Variants in FANCD2 observed in about 807,000 individuals in gnomAD.
The protein encoded by FANCD2 is FA complementation group D2, also known as Fanconi anemia group D2 protein.
Under a neutral mutation model 192.3 loss-of-function variants are expected in FANCD2, and 131 were observed. The ratio of observed to expected loss-of-function variants is 0.68; its 90% confidence interval spans 0.59 to 0.79. The LOEUF (loss-of-function observed/expected upper bound fraction) is 0.79. Ranked by LOEUF, FANCD2 falls within the 30% of genes least tolerant of loss-of-function variation. The pLI is 0.00. For synonymous variants in FANCD2, 524 were observed against 612.5 expected, an observed-to-expected ratio of 0.86 and a Z score of 2.13; for missense variants, 1,508 against 1,701.6, an observed-to-expected ratio of 0.89 and a Z score of 2.00.
chr3:10,068,670 A>C lies in FANCD2; in HGVS notation c.2494+1353A>C, dbSNP rs1324401606. Among the ~76,000 whole-genome samples the C allele has an allele frequency of 3.9e-5, 6 of 152,178 alleles. No homozygotes were observed. In the East Asian group the frequency reaches 9.6e-4, roughly 24 times the overall value. On this transcript the variant is annotated intron_variant, in intron 26 of 43. Transcript: ENST00000675286. Reference sequence around the variant, plus strand: ...GCCTAAAATTTATATAGAACCACCGAAGACCCAGAATAGCCAAAGCTGTCC... The same window carrying C: ...GCCTAAAATTTATATAGAACCACCGCAGACCCAGAATAGCCAAAGCTGTCC...
At chr3:10,056,593 G>T (rs116398158) in intron 18 of FANCD2, among the ~76,000 whole-genome samples, 9 of 151,922 alleles carry the variant, frequency 5.9e-5, no homozygotes, top group African/African-American at 2.2e-4. Flanking sequence ...GTGCAGTGGC[G>T]TGATCATACT....
At chr3:10,034,347 A>AAAAAT in intron 3 of FANCD2, 122 bp from the exon 4 acceptor site, 1 of 639,560 alleles carries the variant, frequency 1.6e-6, no homozygotes, top group Non-Finnish European at 2.8e-6. Context: ...AAAAAAAAAG[A>AAAAAT]TTTGTCTCTG....
At chr3:10,090,250 G>A in intron 36 of FANCD2, 42 bp from the exon 37 acceptor site, 1 of 1,426,312 alleles carries the variant, frequency 7.0e-7, no homozygotes. Flanking sequence ...GTTCTAAGCA[G>A]TGCATCATGG....
At chr3:10,073,464 A>C in intron 28 of FANCD2, 102 bp downstream of exon 28, 1 of 971,474 alleles carries the variant, frequency 1.0e-6, no homozygotes. Flanking sequence ...AAAAATTAGG[A>C]AACAGCGAGC....
rs35104427 is a variant in FANCD2 at position 10,087,901 on chromosome 3, C to T, written c.3467-548C>T. On this transcript the variant is annotated intron_variant, in intron 34 of 43. Transcript: ENST00000675286. ...TGACCTCGTGATCCACCTGCCTCAG[C>T]CTCCCAAAGTGCTGGGATTACAGAC... is the stretch of plus-strand genomic sequence containing the variant. Among the ~76,000 whole-genome samples the T allele has an allele frequency of 3.2e-3, 492 of 152,238 alleles. 10 individuals carry two copies. In the South Asian group the frequency reaches 0.04, roughly 12 times the overall value.
intron 29 of FANCD2, among the ~76,000 whole-genome samples, chr3:10,075,786 G>A (rs9820100): frequency 0.23 from 32,527 of 141,988 alleles, 4,737 homozygotes; most frequent in African/African-American, 0.42. Flanking sequence ...GCTGGAGTGC[G>A]GTGGTGGGAT....
In FANCD2 at chr3:10,071,940, G is replaced by C. The variant is rs1191893351; in HGVS notation, c.2495-931G>C. Among the ~76,000 whole-genome samples the C allele has an allele frequency of 4.9e-5, 7 of 143,342 alleles. No individual in the cohort carries two copies. In the East Asian group the frequency reaches 1.4e-3, roughly 28 times the overall value. The allele number at this position is 143,342 out of a possible 152,430, so 94.0% of individuals were successfully genotyped here. ...ACACCCAGCTAATTTTTGTACTTTT[G>C]GTGCAGATGGGGTTTCACCGTGTTG... On this transcript the variant is annotated intron_variant, in intron 26 of 43. Coordinates refer to ENST00000675286, the MANE Select transcript of FANCD2 (RefSeq NM_001018115.3).
At chr3:10,062,575 G>T (rs2087601731) in intron 20 of FANCD2, among the ~76,000 whole-genome samples, 1 of 151,980 alleles carries the variant, frequency 6.6e-6, no homozygotes, top group African/African-American at 2.4e-5. Context: ...ATGTTTATGA[G>T]TAACTGAAGA....
At chr3:10,027,483 C>G (rs143230666) in intron 1 of FANCD2, among the ~76,000 whole-genome samples, 7 of 152,184 alleles carry the variant, frequency 4.6e-5, no homozygotes, top group African/African-American at 1.7e-4. Context: ...ACTTCCCCCA[C>G]CTCTGCTGTC....
intron 13 of FANCD2, 23 bp from the exon 14 acceptor site, chr3:10,043,806 G>A: frequency 6.2e-7 from 1 of 1,612,062 alleles, no homozygotes; most frequent in Non-Finnish European, 8.5e-7. Context: ...TAATATTTTT[G>A]TGACTCTCTC....
intron 30 of FANCD2, among the ~76,000 whole-genome samples, chr3:10,080,224 T>G (rs1693759352): frequency 6.6e-6 from 1 of 152,038 alleles, no homozygotes; most frequent in Non-Finnish European, 1.5e-5. Flanking sequence ...TTCATTCTTC[T>G]TTGTATTCAC....
chr3:10,039,654 C>T (rs2086814162), intron 8 of FANCD2, 67 bp from the exon 9 acceptor site: 43 of 1,578,242 alleles, frequency 2.7e-5, no homozygotes, highest in Non-Finnish European at 3.7e-5. Flanking sequence ...CTCTGCATTT[C>T]ACACGTAGGT....
In FANCD2 at chr3:10,041,925, G is replaced by A. The variant is rs35563860; in HGVS notation, c.783+215G>A. On this transcript the variant is annotated intron_variant, in intron 10 of 43. Transcript: ENST00000675286. ...GGTCTGTTTTTTTTTTTGAGACGGA[G>A]TATCACTCTGTCACCCAGGCTGGAG... Among the ~76,000 whole-genome samples the A allele has an allele frequency of 3.4e-5, 5 of 145,144 alleles. No homozygotes were observed. The East Asian group carries it at 9.9e-4, about 29-fold the overall frequency.
chr3:10,073,445 C>T, intron 28 of FANCD2, 83 bp downstream of exon 28: 1 of 1,112,616 alleles, frequency 9.0e-7, no homozygotes, highest in Non-Finnish European at 1.4e-6. Flanking sequence ...CGGCATTTTA[C>T]AAAGAAAAAA....
intron 30 of FANCD2, among the ~76,000 whole-genome samples, chr3:10,080,720 G>A (rs1693786377): frequency 1.3e-5 from 2 of 152,190 alleles, no homozygotes; most frequent in African/African-American, 4.8e-5. Flanking sequence ...GCAGTGAGCT[G>A]TGATCGTGCC....
chr3:10,068,192 G>A (rs1396350169), intron 26 of FANCD2, among the ~76,000 whole-genome samples: 1 of 152,130 alleles, frequency 6.6e-6, no homozygotes, highest in African/African-American at 2.4e-5. Flanking sequence ...TGGAAAGGAA[G>A]ATGTTAAATT....
At chr3:10,098,577 A>C (rs1449554922) in intron 42 of FANCD2, 143 bp from the exon 43 acceptor site, 3 of 950,992 alleles carry the variant, frequency 3.2e-6, no homozygotes, top group Non-Finnish European at 4.7e-6. Flanking sequence ...CTAGATGCTG[A>C]ATCACAAGTT....
chr3:10,036,793 G>A (rs2086742165), intron 7 of FANCD2, among the ~76,000 whole-genome samples: 1 of 151,992 alleles, frequency 6.6e-6, no homozygotes, highest in Non-Finnish European at 1.5e-5. Flanking sequence ...GTAGCCAGTT[G>A]GTTGGAATCA....
At chr3:10,046,344 T>C (rs1267631243) in intron 14 of FANCD2, 28 of 522,834 alleles carry the variant, frequency 5.4e-5, no homozygotes, top group Admixed American at 2.3e-4. Context: ...TGAGCCACTG[T>C]GCCTGGCCTG....
Sources: allele counts gnomAD v4.1 joint callset (sites outside exome capture counted in the v4.1 genomes callset), GRCh38; gene constraint gnomAD v4.1.1; transcripts MANE v1.5; gene names NCBI Gene and HGNC (gene_info 2026-07-23, HGNC 2026-07-21).